The following CEP70 variants were observed in gnomAD, a reference collection of about 807,000 sequenced individuals.
The protein encoded by CEP70 is centrosomal protein of 70 kDa.
A neutral mutation model predicts 90.9 loss-of-function variants in CEP70; 70 were observed. That is an observed-to-expected ratio of 0.77 (90% confidence interval 0.64 to 0.94). CEP70 has a LOEUF of 0.94. Among genes scored for constraint, CEP70 ranks in the 40% least tolerant of loss-of-function variants. The probability of loss-of-function intolerance (pLI) is 0.00; values close to 1 mark genes in which losing one functional copy is unlikely to be tolerated. For synonymous variants in CEP70, 220 were observed against 228.3 expected (o/e 0.96, Z 0.33); for missense variants, 648 against 669.0 (o/e 0.97, Z 0.35).
chr3:138,560,370 A>G (rs1305671937), intron 6 of CEP70, among the ~76,000 whole-genome samples: 1 of 152,092 alleles, frequency 6.6e-6, no homozygotes, highest in African/African-American at 2.4e-5. Flanking sequence ...CAACCTGCAG[A>G]CCGGAAGATT....
chr3:138,501,793 G>C (rs1456195300), intron 13 of CEP70, among the ~76,000 whole-genome samples: 1 of 152,104 alleles, frequency 6.6e-6, no homozygotes, highest in Non-Finnish European at 1.5e-5. Context: ...AGAATTCCTA[G>C]TCCGAAAATC....
At chr3:138,512,662 C>T (rs975182603) in intron 11 of CEP70, among the ~76,000 whole-genome samples, 1 of 152,094 alleles carries the variant, frequency 6.6e-6, no homozygotes, top group East Asian at 1.9e-4. Context: ...ACTGAGAAAA[C>T]AGAAAACTGT....
At chr3:138,506,641 A>G (rs190458724) in intron 12 of CEP70, among the ~76,000 whole-genome samples, 2 of 152,364 alleles carry the variant, frequency 1.3e-5, no homozygotes, top group East Asian at 3.9e-4. Context: ...GCCTCCTGGT[A>G]ATATGACTTA....
At position 138,532,588 on chromosome 3, in the gene CEP70, G is replaced by A; in HGVS notation, c.636-18C>T. 1 of 1,463,436 alleles carries A rather than the reference G, an allele frequency of 6.8e-7. No homozygotes were observed. Among genetic ancestry groups the A allele is most frequent in the Non-Finnish European group, 9.1e-7 (1 of 1,102,916 alleles). The allele number at this position is 1,463,436 out of a possible 1,614,324, so 90.7% of individuals were successfully genotyped here. The stretch of plus-strand genomic sequence containing the variant: ...AAAGCAACCTAGAAAACAGAATATT[G>A]AATTATTTTCAAAATGCGGTATGGT... On this transcript the variant is annotated intron_variant, in intron 7 of 17. Transcript: ENST00000264982.
At chr3:138,573,497 T>C (rs1318130456) in intron 2 of CEP70, among the ~76,000 whole-genome samples, 3 of 152,102 alleles carry the variant, frequency 2.0e-5, no homozygotes, top group African/African-American at 4.8e-5. Context: ...AAAACATTCA[T>C]TAACGAATAA....
At chr3:138,533,824 G>A (rs116403346) in intron 7 of CEP70, among the ~76,000 whole-genome samples, 9 of 151,586 alleles carry the variant, frequency 5.9e-5, no homozygotes, top group South Asian at 4.2e-4. Flanking sequence ...TCATGCTGTC[G>A]CCCAGGCTGG....
intron 6 of CEP70, among the ~76,000 whole-genome samples, chr3:138,549,749 G>A (rs1199757563): frequency 6.6e-6 from 1 of 152,162 alleles, no homozygotes; most frequent in Non-Finnish European, 1.5e-5. Flanking sequence ...CTGGCAGGAG[G>A]TCAACCAGTG....
chr3:138,516,478 T>G (rs1382977838), intron 11 of CEP70, among the ~76,000 whole-genome samples: 1 of 152,110 alleles, frequency 6.6e-6, no homozygotes. Context: ...CTTGACCTCC[T>G]GGGCTCAAGC....
At chr3:138,542,992 G>A (rs1361906020) in intron 6 of CEP70, among the ~76,000 whole-genome samples, 1 of 152,194 alleles carries the variant, frequency 6.6e-6, no homozygotes. Flanking sequence ...AAGGGAGGAA[G>A]TATGTGCTGA....
Position 138,570,303 on chromosome 3 carries a change from T to A in CEP70, c.465+15A>T. The A allele has an allele frequency of 6.6e-7, 1 of 1,519,038 alleles. No individual in the cohort carries two copies. Among genetic ancestry groups the A allele is most frequent in the Non-Finnish European group, 8.9e-7 (1 of 1,123,546 alleles). 94.1% of individuals were successfully genotyped at this position (1,519,038 alleles called of 1,614,324 possible). On this transcript the variant is annotated intron_variant, in intron 6 of 17. Coordinates refer to ENST00000264982, the MANE Select transcript of CEP70 (RefSeq NM_024491.4). ...GTACTAACTAACCATCATCTAAGAA[T>A]TCATAACTCAGTACCTGTAAAGTTT...
At chr3:138,542,680 T>A (rs1177319375) in intron 6 of CEP70, among the ~76,000 whole-genome samples, 1 of 152,182 alleles carries the variant, frequency 6.6e-6, no homozygotes, top group African/African-American at 2.4e-5. Context: ...AGGTCACCAC[T>A]CTTCACTCAC....
At chr3:138,587,729 T>C (rs950582382) in intron 2 of CEP70, among the ~76,000 whole-genome samples, 4 of 152,206 alleles carry the variant, frequency 2.6e-5, no homozygotes, top group African/African-American at 9.6e-5. Context: ...TGAGCTATGA[T>C]TGTGCCACTG....
At chr3:138,512,570 G>A (rs1317097135) in intron 11 of CEP70, among the ~76,000 whole-genome samples, 1 of 152,058 alleles carries the variant, frequency 6.6e-6, no homozygotes, top group Non-Finnish European at 1.5e-5. Context: ...AAATCCCCTA[G>A]GAGTGCCTAA....
chr3:138,500,303 T>C, intron 15 of CEP70, 79 bp from the exon 16 acceptor site: 4 of 1,496,378 alleles, frequency 2.7e-6, no homozygotes, highest in Non-Finnish European at 3.6e-6. Context: ...GCTTCAGTTA[T>C]CCTCAATTTT....
chr3:138,589,853 T>C (rs917286540), intron 2 of CEP70, among the ~76,000 whole-genome samples: 1 of 152,104 alleles, frequency 6.6e-6, no homozygotes, highest in Admixed American at 6.6e-5. Flanking sequence ...AAAATTGACT[T>C]TGAAGTATAA....
Position 138,500,466 on chromosome 3 carries a change from A to G in CEP70, c.1470T>C (p.Asn490=), listed in dbSNP as rs2034397316. 1.2e-6 allele frequency: 2 copies of G among 1,611,158 alleles called. No individual in the cohort carries two copies. Among genetic ancestry groups the G allele is most frequent in the East Asian group, 2.2e-5 (1 of 44,778 alleles). ...PSLNGVYPRM[N]EVYTRLGEMN... The stretch of plus-strand genomic sequence containing the variant: ...TTTCTCCAAGCCTAGTATAAACTTC[A>G]TTCATTCGGGGATAGACTCCATTTA... Residue 490 remains asparagine, a synonymous_variant, in exon 15 of 18, where the codon AAT becomes AAC. Transcript: ENST00000264982.
intron 2 of CEP70, among the ~76,000 whole-genome samples, chr3:138,588,536 C>T (rs532946321): frequency 4.8e-4 from 73 of 152,180 alleles, no homozygotes; most frequent in Non-Finnish European, 8.2e-4. Flanking sequence ...TTAAAACACA[C>T]GATGTGACAC....
At chr3:138,557,998 G>T (rs1459713889) in intron 6 of CEP70, among the ~76,000 whole-genome samples, 4 of 152,044 alleles carry the variant, frequency 2.6e-5, no homozygotes, top group Non-Finnish European at 5.9e-5. Context: ...TTAAAAAGAT[G>T]ATCAAAAAAT....
intron 6 of CEP70, among the ~76,000 whole-genome samples, chr3:138,541,899 T>C (rs1484226790): frequency 1.3e-5 from 2 of 152,218 alleles, no homozygotes; most frequent in East Asian, 1.9e-4. Context: ...AGCATGCACC[T>C]ATGATCCCAG....
Sources: allele counts gnomAD v4.1 joint callset (sites outside exome capture counted in the v4.1 genomes callset), GRCh38; gene constraint gnomAD v4.1.1; transcripts MANE v1.5; gene names NCBI Gene and HGNC (gene_info 2026-07-23, HGNC 2026-07-21).